The following NHSL2 variants were observed in gnomAD, a reference collection of about 807,000 sequenced individuals.
NHSL2 encodes the protein NHS-like protein 2.
In NHSL2, 27 loss-of-function variants were observed where a neutral mutation model predicts 53.4. The observed-to-expected ratio is 0.51, with a 90% CI of 0.37 to 0.70. The LOEUF is 0.70. NHSL2 is among the 30% of genes least tolerant of loss of function. NHSL2 has a pLI of 0.00. For synonymous variants in NHSL2, 408 were observed against 404.1 expected, an observed-to-expected ratio of 1.01 and a Z score of -0.12; for missense variants, 892 against 980.1, an observed-to-expected ratio of 0.91 and a Z score of 1.20.
At chrX:72,024,386 C>G (rs2042175051) in intron 1 of NHSL2, among the ~76,000 whole-genome samples, 1 of 111,867 alleles carries the variant, frequency 8.9e-6, no homozygotes, top group Non-Finnish European at 1.9e-5. Flanking sequence ...GTCCTTGAAA[C>G]ACGGGCTTAC....
At position 72,015,492 on chromosome X, in the gene NHSL2, G is replaced by A. The variant is rs185559198; in HGVS notation, c.280+104125G>A. On this transcript the variant is annotated intron_variant, in intron 1 of 7. Coordinates refer to ENST00000633930, the MANE Select transcript of NHSL2 (RefSeq NM_001013627.3). The stretch of plus-strand genomic sequence containing the variant: ...CCATTCAATAAACATTTGTGTACAC[G>A]TGCAGGAGTTTCTTCATGATAGATG... Among the ~76,000 whole-genome samples, 5 of 112,142 alleles carry A rather than the reference G, an allele frequency of 4.5e-5. No homozygotes were observed. The East Asian group carries it at 1.1e-3, about 25-fold the overall frequency.
intron 1 of NHSL2, among the ~76,000 whole-genome samples, chrX:72,100,895 G>A (rs1283638643): frequency 9.0e-6 from 1 of 111,697 alleles, no homozygotes; most frequent in Non-Finnish European, 1.9e-5. Context: ...TCCACAAGCC[G>A]TAGCATGGCC....
intron 1 of NHSL2, among the ~76,000 whole-genome samples, chrX:72,042,438 G>GT (rs1020691669): frequency 8.9e-6 from 1 of 111,802 alleles, no homozygotes; most frequent in African/African-American, 3.3e-5. Context: ...CACCAGCTAA[G>GT]TTTCTGGCCT....
At position 72,004,492 on chromosome X, in the gene NHSL2, C is replaced by T. The variant is rs757568694; in HGVS notation, c.280+93125C>T. ...GGTTTCCGGAGCGGAGAGGGATGGC[C>T]ACGGCTTGCTCCAGGAGTGGGGAGG... On this transcript the variant is annotated intron_variant, in intron 1 of 7. Transcript: ENST00000633930. Among the ~76,000 whole-genome samples the T allele has an allele frequency of 7.2e-5, 8 of 111,672 alleles. No individual in the cohort carries two copies. The South Asian group carries it at 3.0e-3, about 42-fold the overall frequency.
rs1406184625 is a variant in NHSL2 at position 72,143,617 on chromosome X, A to G, written c.*43A>G. On this transcript the variant is annotated 3_prime_UTR_variant, in exon 8 of 8. Transcript: ENST00000633930. ...CAGGGTTTACTTACTAAACTTGAGTAGAGAAGGGGGAAGAGAAAGGGTCTT... is the reference window on the plus strand; with the variant it reads ...CAGGGTTTACTTACTAAACTTGAGTGGAGAAGGGGGAAGAGAAAGGGTCTT... 2.2e-6 allele frequency: 2 copies of G among 891,517 alleles called. No individual in the cohort carries two copies. Among genetic ancestry groups the G allele is most frequent in the African/African-American group, 4.0e-5 (2 of 49,904 alleles). 73.5% of individuals were successfully genotyped at this position (891,517 alleles called of 1,213,427 possible).
At chrX:72,034,615 G>A (rs1425929418) in intron 1 of NHSL2, among the ~76,000 whole-genome samples, 1 of 112,033 alleles carries the variant, frequency 8.9e-6, no homozygotes, top group African/African-American at 3.2e-5. Flanking sequence ...ATCACTATAA[G>A]ATTTCACATT....
At chrX:72,108,295 A>G (rs761565347) in intron 1 of NHSL2, among the ~76,000 whole-genome samples, 13 of 112,561 alleles carry the variant, frequency 1.2e-4, no homozygotes, top group Non-Finnish European at 2.3e-4. Flanking sequence ...CCCAGCCTCA[A>G]AGTCAAAGAC....
At chrX:71,925,241 A>G (rs912006984) in intron 1 of NHSL2, among the ~76,000 whole-genome samples, 1 of 111,608 alleles carries the variant, frequency 9.0e-6, no homozygotes, top group Admixed American at 9.5e-5. Flanking sequence ...TACCAGTGCC[A>G]AATTGACAGT....
Position 71,985,811 on chromosome X carries a change from T to C in NHSL2, c.280+74444T>C, listed in dbSNP as rs1327077049. Among the ~76,000 whole-genome samples the C allele has an allele frequency of 3.6e-5, 4 of 112,039 alleles. No individual in the cohort carries two copies. The East Asian group carries it at 8.4e-4, about 23-fold the overall frequency. On this transcript the variant is annotated intron_variant, in intron 1 of 7. Transcript: ENST00000633930. Reference sequence around the variant, plus strand: ...CTTGAAAGTTTTTCCTCTATTCTAATGTCATAATCTCCAAAGTTATTAGAA... The same window carrying C: ...CTTGAAAGTTTTTCCTCTATTCTAACGTCATAATCTCCAAAGTTATTAGAA...
chrX:71,971,074 C>CT (rs890884596), intron 1 of NHSL2, among the ~76,000 whole-genome samples: 14 of 108,361 alleles, frequency 1.3e-4, no homozygotes, highest in South Asian at 3.8e-4. Flanking sequence ...TGTTTCACAT[C>CT]TTTTTTTTTT....
chrX:72,136,816 T>C (rs1327561352), intron 4 of NHSL2, among the ~76,000 whole-genome samples: 1 of 112,392 alleles, frequency 8.9e-6, no homozygotes, highest in Non-Finnish European at 1.9e-5. Flanking sequence ...GTCCAGGTGT[T>C]GCAGTTTCAA....
At chrX:71,996,239 AG>A (rs1015658063) in intron 1 of NHSL2, among the ~76,000 whole-genome samples, 11 of 113,159 alleles carry the variant, frequency 9.7e-5, no homozygotes, top group African/African-American at 3.5e-4. Context: ...TCACTCCTGC[AG>A]TTCCCCATTT....
At chrX:71,954,568 T>G (rs2041834617) in intron 1 of NHSL2, among the ~76,000 whole-genome samples, 1 of 112,125 alleles carries the variant, frequency 8.9e-6, no homozygotes. Flanking sequence ...CTGGAGGGCC[T>G]CGGGCTGGGC....
At chrX:72,107,150 G>A (rs961744124) in intron 1 of NHSL2, among the ~76,000 whole-genome samples, 20 of 110,531 alleles carry the variant, frequency 1.8e-4, no homozygotes, top group Non-Finnish European at 3.6e-4. Context: ...AAGGCCGGGC[G>A]CGGTGGCTCA....
In NHSL2 at chrX:72,039,417, C is replaced by A. The variant is rs981121637; in HGVS notation, c.281-92662C>A. 5.4e-5 allele frequency among the ~76,000 whole-genome samples: 6 copies of A among 111,585 alleles called. No homozygotes were observed. The Admixed American group carries it at 5.7e-4, about 11-fold the overall frequency. The stretch of plus-strand genomic sequence containing the variant: ...CAGTTGTTAGACATTTAGGTTTCCT[C>A]CAGTTTTTCCCTGTTTATAAACAAT... On this transcript the variant is annotated intron_variant, in intron 1 of 7. Coordinates refer to ENST00000633930, the MANE Select transcript of NHSL2 (RefSeq NM_001013627.3).
At chrX:71,930,549 C>T (rs1427363977) in intron 1 of NHSL2, among the ~76,000 whole-genome samples, 1 of 112,299 alleles carries the variant, frequency 8.9e-6, no homozygotes. Context: ...TCCAATTCCC[C>T]ATCTTCCCAC....
At chrX:72,010,448 A>G (rs1353269248) in intron 1 of NHSL2, among the ~76,000 whole-genome samples, 3 of 112,316 alleles carry the variant, frequency 2.7e-5, no homozygotes, top group Non-Finnish European at 5.6e-5. Context: ...AAAAAAATCA[A>G]TTCAGCTACA....
intron 1 of NHSL2, among the ~76,000 whole-genome samples, chrX:71,993,519 C>T (rs1569470143): frequency 9.0e-6 from 1 of 111,657 alleles, no homozygotes; most frequent in East Asian, 2.8e-4. Flanking sequence ...CTCTTGAGTA[C>T]CCTGGAGGGT....
intron 1 of NHSL2, among the ~76,000 whole-genome samples, chrX:71,954,756 T>TG (rs1364225048): frequency 2.7e-5 from 3 of 112,211 alleles, no homozygotes; most frequent in East Asian, 5.7e-4. Context: ...AGTGTCACCA[T>TG]GTGCCTTCTC....
Sources: gnomAD v4.1 joint callset for allele counts (sites outside exome capture counted in the v4.1 genomes callset) on GRCh38, gnomAD v4.1.1 for gene constraint, MANE v1.5 for transcripts, NCBI Gene and HGNC (gene_info 2026-07-23, HGNC 2026-07-21) for gene names.